RNLS: variants seen among roughly 807,000 people sequenced by gnomAD.
The protein encoded by RNLS is renalase, FAD dependent amine oxidase, also known as renalase.
In RNLS, 39 loss-of-function variants were observed where a neutral mutation model predicts 39.8. The ratio of observed to expected loss-of-function variants is 0.98; its 90% CI spans 0.76 to 1.28. The LOEUF is 1.28. Among genes scored for constraint, RNLS ranks in the 50% most tolerant of loss-of-function variants. The probability of loss-of-function intolerance (pLI) is 0.00; values close to 1 mark genes in which losing one functional copy is unlikely to be tolerated. For synonymous variants in RNLS, 147 were observed against 150.7 expected, an observed-to-expected ratio of 0.98 and a Z score of 0.18; for missense variants, 410 against 413.3, an observed-to-expected ratio of 0.99 and a Z score of 0.07.
intron 4 of RNLS, among the ~76,000 whole-genome samples, chr10:88,430,284 TTATTTC>T (rs540708015): frequency 1.6e-4 from 25 of 151,974 alleles, no homozygotes; most frequent in African/African-American, 5.8e-4. Context: ...TTAAACATTT[TTATTTC>T]TAATTGTCAT....
At chr10:88,242,529 A>G in the RNLS span, among the ~76,000 whole-genome samples, 3 of 152,198 alleles carry the variant, frequency 2.0e-5, no homozygotes, top group South Asian at 4.1e-4. Context: ...AGGTAATTCA[A>G]AAAAAAATCT....
downstream of RNLS, among the ~76,000 whole-genome samples, chr10:88,279,539 C>T (rs1015096159): frequency 2.0e-5 from 3 of 151,860 alleles, no homozygotes; most frequent in African/African-American, 2.4e-5. Context: ...AGGATGTCAC[C>T]GACCCCACCA....
intron 4 of RNLS, among the ~76,000 whole-genome samples, chr10:88,416,645 C>G (rs118092202): frequency 0.02 from 3,007 of 152,264 alleles, 45 homozygotes; most frequent in Non-Finnish European, 0.035. Context: ...AAATGTTTTA[C>G]AATAAGCATA....
chr10:88,472,535 G>T (rs1265207018), intron 4 of RNLS, among the ~76,000 whole-genome samples: 1 of 152,162 alleles, frequency 6.6e-6, no homozygotes, highest in Non-Finnish European at 1.5e-5. Context: ...AAGGTGAGGG[G>T]AAGGAAAAGG....
intron 4 of RNLS, among the ~76,000 whole-genome samples, chr10:88,524,960 CATATATATATAT>C (rs772272529): frequency 6.6e-4 from 59 of 88,916 alleles, no homozygotes; most frequent in Middle Eastern, 7.0e-3. Flanking sequence ...CACACACATA[CATATATATATAT>C]ATATATATAT....
At chr10:88,398,648 G>C (rs1388420737) in intron 4 of RNLS, among the ~76,000 whole-genome samples, 1 of 151,962 alleles carries the variant, frequency 6.6e-6, no homozygotes, top group Non-Finnish European at 1.5e-5. Context: ...ACCCAGAATA[G>C]AGCAAAGATA....
intron 4 of RNLS, among the ~76,000 whole-genome samples, chr10:88,377,360 T>TTTATG (rs2133477693): frequency 6.6e-6 from 1 of 152,280 alleles, no homozygotes; most frequent in South Asian, 2.1e-4. Flanking sequence ...TGCAATTAAA[T>TTTATG]TTATGTTCAG....
chr10:88,435,642 T>C (rs941334753), intron 4 of RNLS, among the ~76,000 whole-genome samples: 1 of 152,058 alleles, frequency 6.6e-6, no homozygotes, highest in Non-Finnish European at 1.5e-5. Flanking sequence ...ACACAAAAAC[T>C]ATCTCAATAG....
chr10:88,408,577 ATTT>A (rs1295833245), intron 4 of RNLS, among the ~76,000 whole-genome samples: 1 of 151,896 alleles, frequency 6.6e-6, no homozygotes, highest in Admixed American at 6.6e-5. Context: ...CGGCCAATAA[ATTT>A]TTTTTCATAA....
intron 4 of RNLS, among the ~76,000 whole-genome samples, chr10:88,448,252 A>C (rs1842158684): frequency 2.0e-5 from 3 of 152,240 alleles, no homozygotes; most frequent in South Asian, 2.1e-4. Context: ...TGTTTGCAAT[A>C]TACTCATCTG....
At chr10:88,240,310 T>C in the RNLS span, among the ~76,000 whole-genome samples, 2 of 152,190 alleles carry the variant, frequency 1.3e-5, no homozygotes, top group African/African-American at 2.4e-5. Context: ...GTAGTGACTC[T>C]GCCTGGCGCA....
intron 6 of RNLS, among the ~76,000 whole-genome samples, chr10:88,311,628 C>T (rs926469134): frequency 2.3e-4 from 35 of 152,296 alleles, no homozygotes; most frequent in African/African-American, 8.2e-4. Flanking sequence ...CACAAGAATG[C>T]ACCATTAGCT....
At chr10:88,394,779 T>G (rs792237) in intron 4 of RNLS, among the ~76,000 whole-genome samples, 95,449 of 151,940 alleles carry the variant, frequency 0.63, 30,190 homozygotes, top group African/African-American at 0.71. Flanking sequence ...CAATAGCAGA[T>G]ACTTGGAACC....
chr10:88,189,458 C>G, the RNLS span, among the ~76,000 whole-genome samples: 1 of 151,776 alleles, frequency 6.6e-6, no homozygotes, highest in African/African-American at 2.4e-5. Flanking sequence ...TGGGGTTTAA[C>G]CAGAACCTAT....
chr10:88,576,885 A>G (rs1850242632), intron 3 of RNLS, among the ~76,000 whole-genome samples: 1 of 152,184 alleles, frequency 6.6e-6, no homozygotes, highest in South Asian at 2.1e-4. Flanking sequence ...TCGCTAGCCA[A>G]TGTCCTTTTT....
chr10:88,247,722 G>A, the RNLS span, among the ~76,000 whole-genome samples: 1 of 152,294 alleles, frequency 6.6e-6, no homozygotes, highest in East Asian at 1.9e-4. Context: ...GTTGCATGTG[G>A]AATTAAGTTT....
the RNLS span, among the ~76,000 whole-genome samples, chr10:88,187,188 A>G: frequency 2.2e-3 from 17 of 7,826 alleles, 1 homozygote; most frequent in Admixed American, 0.017. Flanking sequence ...AATATATATA[A>G]TATATATAAT....
intron 4 of RNLS, among the ~76,000 whole-genome samples, chr10:88,424,485 G>A (rs1854595136): frequency 6.6e-6 from 1 of 152,018 alleles, no homozygotes; most frequent in Non-Finnish European, 1.5e-5. Flanking sequence ...CAGACCACAA[G>A]AAAAGCAGCA....
intron 4 of RNLS, among the ~76,000 whole-genome samples, chr10:88,494,551 G>A (rs924756772): frequency 6.6e-5 from 10 of 152,048 alleles, no homozygotes; most frequent in African/African-American, 2.4e-4. Flanking sequence ...TGTTTCTAAG[G>A]TGACTCAAGA....
Sources: allele counts gnomAD v4.1 joint callset (sites outside exome capture counted in the v4.1 genomes callset), GRCh38; gene constraint gnomAD v4.1.1; transcripts MANE v1.5; gene names NCBI Gene and HGNC (gene_info 2026-07-23, HGNC 2026-07-21).